Variants in CACNA1C observed in about 807,000 individuals in gnomAD.
CACNA1C encodes calcium voltage-gated channel subunit alpha1 C.
A neutral mutation model predicts 229.0 loss-of-function variants in CACNA1C; 30 were observed. The ratio of observed to expected loss-of-function variants is 0.13; its 90% CI spans 0.10 to 0.18. The LOEUF (loss-of-function observed/expected upper bound fraction) is 0.18, where lower values mean the gene tolerates loss of function less well. Ranked by LOEUF, CACNA1C falls within the 10% of genes least tolerant of loss-of-function variation. CACNA1C has a pLI of 1.00. For missense variants in CACNA1C, 1,658 were observed against 2,845.0 expected (o/e 0.58, Z 9.49); for synonymous variants, 1,114 against 1,132.5 (o/e 0.98, Z 0.33).
rs553490427 is a variant in CACNA1C at position 2,130,222 on chromosome 12, A to G, written c.477+9792A>G. ...TTTTTTTTTTTTTTTTTAATGCCAAACATTACATTTTATTACCTTTGAGCT... is the reference window on the plus strand; with the variant it reads ...TTTTTTTTTTTTTTTTTAATGCCAAGCATTACATTTTATTACCTTTGAGCT... On this transcript the variant is annotated intron_variant, in intron 3 of 46. Coordinates refer to ENST00000399655, the MANE Select transcript of CACNA1C (RefSeq NM_000719.7). 3.4e-4 allele frequency among the ~76,000 whole-genome samples: 49 copies of G among 146,180 alleles called. 2 individuals are homozygous for G. The highest frequency in any genetic ancestry group is 2.9e-3 in the Admixed American group (43 of 14,740).
chr12:2,167,413 A>G (rs1190883483), intron 3 of CACNA1C, among the ~76,000 whole-genome samples: 1 of 152,196 alleles, frequency 6.6e-6, no homozygotes, highest in Non-Finnish European at 1.5e-5. Context: ...ATGTCTAGTA[A>G]TTTTGGATTA....
rs369447919 is a variant in CACNA1C, at chr12:2,128,553, C to T, written c.477+8123C>T. On this transcript the variant is annotated intron_variant, in intron 3 of 46. Transcript: ENST00000399655. ...AGCCTCCCGAGTAGCTGGGACTACA[C>T]GCGCTCAGCACCATGCCCAGCTAAT... 1.2e-4 allele frequency among the ~76,000 whole-genome samples: 18 copies of T among 152,144 alleles called. No individual in the cohort carries two copies. The East Asian group carries it at 2.3e-3, about 20-fold the overall frequency.
At chr12:2,462,578 A>G (rs1359510834) in intron 5 of CACNA1C, among the ~76,000 whole-genome samples, 2 of 152,214 alleles carry the variant, frequency 1.3e-5, no homozygotes, top group Non-Finnish European at 2.9e-5. Context: ...CACCGACAAT[A>G]AAGGTGATAA....
chr12:2,109,217 G>C (rs1238426577), intron 1 of CACNA1C, among the ~76,000 whole-genome samples: 1 of 152,144 alleles, frequency 6.6e-6, no homozygotes, highest in Non-Finnish European at 1.5e-5. Context: ...TCCTACTCAC[G>C]GCTGATTGGG....
rs193099994 is a variant in CACNA1C at position 2,136,834 on chromosome 12, G to A, written c.477+16404G>A. ...GAGATCCTCAACCAAACAGGCCCCCGGGCCTCTTCCTAAATAGATGAGAAT... is the reference window on the plus strand; with the variant it reads ...GAGATCCTCAACCAAACAGGCCCCCAGGCCTCTTCCTAAATAGATGAGAAT... On this transcript the variant is annotated intron_variant, in intron 3 of 46. Coordinates refer to ENST00000399655, the MANE Select transcript of CACNA1C (RefSeq NM_000719.7). Among the ~76,000 whole-genome samples, 177 of 151,582 alleles carry A rather than the reference G, an allele frequency of 1.2e-3. 4 individuals are homozygous for A. The highest frequency in any genetic ancestry group is 1.6e-3 in the Non-Finnish European group (109 of 67,686).
In CACNA1C at chr12:2,019,584, AG is replaced by A. The variant is rs1431686504; in HGVS notation, c.139+48384del. On this transcript the variant is annotated intron_variant, in intron 1 of 46. Coordinates refer to the CACNA1C transcript ENST00000682462. ...AAGGAAGGAAAGAAAAGAAAGAGAG[AG>A]AGAAAGAAAGAGAAGGAAAGAAAGA... 1.1e-4 allele frequency among the ~76,000 whole-genome samples: 15 copies of A among 138,076 alleles called. No homozygotes were observed. The East Asian group carries it at 1.3e-3, about 12-fold the overall frequency. The allele number at this position is 138,076 out of a possible 152,430, so 90.6% of individuals were successfully genotyped here.
intron 3 of CACNA1C, among the ~76,000 whole-genome samples, chr12:2,265,480 G>A (rs74767351): frequency 0.047 from 7,203 of 152,224 alleles, 209 homozygotes; most frequent in Middle Eastern, 0.071. Flanking sequence ...GGGCTGGAAC[G>A]TTGGCAAGGA....
At chr12:2,626,414 G>A (rs183167567) in intron 29 of CACNA1C, among the ~76,000 whole-genome samples, 27 of 152,286 alleles carry the variant, frequency 1.8e-4, no homozygotes, top group Non-Finnish European at 2.6e-4. Flanking sequence ...GCAGGCAGGC[G>A]GTTTTGAAGG....
In CACNA1C at chr12:2,054,045, G is replaced by C. The variant is rs1230630788; in HGVS notation, c.49+434G>C. On this transcript the variant is annotated intron_variant, in intron 1 of 46. Coordinates refer to ENST00000399655, the MANE Select transcript of CACNA1C (RefSeq NM_000719.7). This position sits in a 1 kb window ranked among gnomAD's most constrained non-coding sequence, Gnocchi z 5.5. ...GCTCGGGGCGCGGCTGGGAGCGCGC[G>C]CGCGCGCACCCTGCGCCGGCAGAGC... Among the ~76,000 whole-genome samples, 4 of 146,816 alleles carry C rather than the reference G, an allele frequency of 2.7e-5. No individual in the cohort carries two copies. The highest frequency in any genetic ancestry group is 6.1e-5 in the Non-Finnish European group (4 of 66,036).
intron 1 of CACNA1C, among the ~76,000 whole-genome samples, chr12:1,995,257 ATACT>A (rs2040520671): frequency 6.6e-6 from 1 of 152,214 alleles, no homozygotes; most frequent in Admixed American, 6.5e-5. Context: ...TCAATCATTA[ATACT>A]TACTAATACA....
chr12:2,504,278 T>A lies in CACNA1C; in HGVS notation c.1114-564T>A, dbSNP rs1320366659. On this transcript the variant is annotated intron_variant, in intron 7 of 46. Transcript: ENST00000399655. This position sits in a 1 kb window ranked among gnomAD's most constrained non-coding sequence, Gnocchi z 6.8. ...TCGGTCACAGGAGTTCCTTTGAACA[T>A]GGGCGATGCCCTGGGTAACACGGGT... Among the ~76,000 whole-genome samples, 1 of 152,134 alleles carries A rather than the reference T, an allele frequency of 6.6e-6. No individual in the cohort carries two copies. The highest frequency in any genetic ancestry group is 1.5e-5 in the Non-Finnish European group (1 of 68,022).
intron 1 of CACNA1C, among the ~76,000 whole-genome samples, chr12:2,081,916 A>G (rs1475033595): frequency 1.3e-5 from 2 of 152,302 alleles, no homozygotes; most frequent in South Asian, 2.1e-4. Flanking sequence ...TAGAATAACA[A>G]CTAATATATG....
In CACNA1C at chr12:2,608,190, A is replaced by G; in HGVS notation, c.3357-321A>G. On this transcript the variant is annotated intron_variant, in intron 26 of 46. Coordinates refer to ENST00000399655, the MANE Select transcript of CACNA1C (RefSeq NM_000719.7). The surrounding 1 kb of genome is among the most constrained non-coding windows in gnomAD (Gnocchi z 4.2). The stretch of plus-strand genomic sequence containing the variant: ...TATTTACCAATATTTCCAGTGTTTT[A>G]AATCAATGTCCATGACTCATGTTAC... 4.5e-6 allele frequency: 1 copy of G among 220,554 alleles called. No homozygotes were observed. Among genetic ancestry groups the G allele is most frequent in the Non-Finnish European group, 8.9e-6 (1 of 112,694 alleles). The allele number at this position is 220,554 out of a possible 1,614,324, so 13.7% of individuals were successfully genotyped here. A position where few individuals can be genotyped will look rare whatever the true frequency, so the allele number is the denominator to read the frequency against.
chr12:2,669,447 A>G (rs2096432757), intron 38 of CACNA1C, among the ~76,000 whole-genome samples: 2 of 152,208 alleles, frequency 1.3e-5, no homozygotes, highest in Non-Finnish European at 2.9e-5. Context: ...TGCAGGTTAG[A>G]CAAGCCTGCT....
chr12:2,274,956 A>C (rs1176088853), intron 3 of CACNA1C, among the ~76,000 whole-genome samples: 1 of 152,010 alleles, frequency 6.6e-6, no homozygotes, highest in Non-Finnish European at 1.5e-5. Context: ...TGGTGGCAGC[A>C]CTCCCAGCCT....
chr12:2,080,293 A>C (rs1198208960), intron 1 of CACNA1C, among the ~76,000 whole-genome samples: 1 of 151,894 alleles, frequency 6.6e-6, no homozygotes, highest in African/African-American at 2.4e-5. Context: ...AAAACAAATA[A>C]AATAACCTTG....
intron 38 of CACNA1C, among the ~76,000 whole-genome samples, 153 bp downstream of exon 38, chr12:2,669,188 G>T (rs1044316295): frequency 7.9e-5 from 12 of 152,102 alleles, no homozygotes; most frequent in Non-Finnish European, 1.6e-4. Flanking sequence ...CCAGGACATC[G>T]CAGGGCCCCA....
At chr12:2,109,821 T>C (rs1344131806) in intron 1 of CACNA1C, among the ~76,000 whole-genome samples, 1 of 152,148 alleles carries the variant, frequency 6.6e-6, no homozygotes, top group Admixed American at 6.5e-5. Context: ...TCCTTAGAAC[T>C]TCTCCCCCAT....
At chr12:2,255,514 TG>T (rs1420898819) in intron 3 of CACNA1C, among the ~76,000 whole-genome samples, 17 of 152,162 alleles carry the variant, frequency 1.1e-4, no homozygotes, top group African/African-American at 4.1e-4. Flanking sequence ...AAGAAGGCAG[TG>T]CCAATCAAAG....
Sources: allele counts gnomAD v4.1 joint callset (sites outside exome capture counted in the v4.1 genomes callset), GRCh38; gene constraint gnomAD v4.1.1; non-coding constraint Gnocchi (gnomAD v3.1); transcripts MANE v1.5; gene names NCBI Gene and HGNC (gene_info 2026-07-23, HGNC 2026-07-21).